PHACTR3: variants seen among roughly 807,000 people sequenced by gnomAD.
The protein encoded by PHACTR3 is protein phosphatase 1, regulatory subunit 123.
A neutral mutation model predicts 66.8 loss-of-function variants in PHACTR3; 16 were observed. The ratio of observed to expected loss-of-function variants is 0.24; its 90% confidence interval spans 0.16 to 0.36. The LOEUF is 0.36. PHACTR3 is among the 10% of genes least tolerant of loss of function. PHACTR3 has a pLI of 1.00. For synonymous variants in PHACTR3, 323 were observed against 292.1 expected (o/e 1.11, Z -1.08); for missense variants, 647 against 719.9 (o/e 0.90, Z 1.16).
chr20:59,805,178 C>T (rs2041529010), intron 7 of PHACTR3, among the ~76,000 whole-genome samples: 1 of 152,244 alleles, frequency 6.6e-6, no homozygotes, highest in African/African-American at 2.4e-5. Context: ...TAAACCCCAT[C>T]TCTGCTCCTA....
intron 1 of PHACTR3, among the ~76,000 whole-genome samples, chr20:59,723,387 C>G (rs925141300): frequency 6.6e-6 from 1 of 152,062 alleles, no homozygotes; most frequent in Non-Finnish European, 1.5e-5. Flanking sequence ...TGTGCTGTGG[C>G]AGGGTTGTTT....
At chr20:59,642,410 C>T (rs1440565884) in intron 1 of PHACTR3, among the ~76,000 whole-genome samples, 2 of 150,144 alleles carry the variant, frequency 1.3e-5, no homozygotes, top group African/African-American at 4.9e-5. Flanking sequence ...ATTCACAAAT[C>T]CCCCCACCCC....
At chr20:59,837,032 C>G (rs2058979299) in intron 9 of PHACTR3, among the ~76,000 whole-genome samples, 1 of 152,192 alleles carries the variant, frequency 6.6e-6, no homozygotes, top group Admixed American at 6.5e-5. Context: ...CCAGGACCCT[C>G]TGTTGCTCCC....
chr20:59,657,564 G>T (rs1326919333), intron 1 of PHACTR3, among the ~76,000 whole-genome samples: 1 of 151,998 alleles, frequency 6.6e-6, no homozygotes, highest in African/African-American at 2.4e-5. Flanking sequence ...TACTTTTGCT[G>T]GGCATAACAT....
At chr20:59,800,670 C>A (rs1212164827) in intron 7 of PHACTR3, among the ~76,000 whole-genome samples, 1 of 152,192 alleles carries the variant, frequency 6.6e-6, no homozygotes, top group African/African-American at 2.4e-5. Flanking sequence ...GTTCACTGAG[C>A]CTTTTCCTGC....
intron 1 of PHACTR3, among the ~76,000 whole-genome samples, chr20:59,722,384 G>A (rs576549445): frequency 6.6e-6 from 1 of 152,174 alleles, no homozygotes; most frequent in Non-Finnish European, 1.5e-5. Context: ...AGGTATTCCT[G>A]GCAGAGAGGG....
intron 1 of PHACTR3, among the ~76,000 whole-genome samples, chr20:59,704,969 T>C (rs549763166): frequency 4.0e-5 from 6 of 151,842 alleles, no homozygotes; most frequent in Admixed American, 3.3e-4. Flanking sequence ...TTTTTTTTTT[T>C]TTTTTGAGAC....
chr20:59,773,469 A>C lies in PHACTR3; in HGVS notation c.926+16A>C, dbSNP rs778885725. On this transcript the variant is annotated intron_variant, in intron 6 of 12. Transcript: ENST00000371015. ...GCCAGGACAGGTGAGGCCCTGCCCC[A>C]TGAGGGAGACCTGTGCTGCCAGAAT... 1.9e-6 allele frequency: 3 copies of C among 1,587,500 alleles called. No individual in the cohort carries two copies. Among genetic ancestry groups the C allele is most frequent in the Admixed American group, 1.8e-5 (1 of 56,268 alleles).
intron 1 of PHACTR3, among the ~76,000 whole-genome samples, chr20:59,581,023 C>G (rs777107571): frequency 2.6e-5 from 4 of 152,222 alleles, no homozygotes; most frequent in Non-Finnish European, 5.9e-5. Context: ...ACGGCTGAGA[C>G]CTAGCTGTCT....
intron 5 of PHACTR3, among the ~76,000 whole-genome samples, chr20:59,771,724 G>A (rs559584102): frequency 5.9e-5 from 9 of 152,312 alleles, no homozygotes; most frequent in Non-Finnish European, 1.2e-4. Context: ...GGCCTGGCCC[G>A]TTTCCCTGTG....
intron 3 of PHACTR3, among the ~76,000 whole-genome samples, chr20:59,752,006 T>C (rs2039610515): frequency 1.3e-5 from 2 of 152,220 alleles, no homozygotes; most frequent in South Asian, 2.1e-4. Flanking sequence ...CTTGGCATTT[T>C]CTTAAATAAT....
chr20:59,705,434 G>GA (rs996631338), intron 1 of PHACTR3, among the ~76,000 whole-genome samples: 5 of 152,068 alleles, frequency 3.3e-5, no homozygotes, highest in African/African-American at 7.2e-5. Flanking sequence ...GCTAACACTA[G>GA]AAAAAAATAC....
intron 7 of PHACTR3, among the ~76,000 whole-genome samples, chr20:59,802,855 G>A (rs1225329672): frequency 1.3e-5 from 2 of 152,234 alleles, no homozygotes; most frequent in African/African-American, 4.8e-5. Context: ...ATGCATGGAT[G>A]TTTATTGAGT....
chr20:59,741,263 G>T (rs73917916), intron 1 of PHACTR3, among the ~76,000 whole-genome samples: 16 of 152,250 alleles, frequency 1.1e-4, no homozygotes, highest in African/African-American at 3.1e-4. Context: ...AACTGACCAC[G>T]CGCTGACCAT....
At chr20:59,612,212 T>C (rs1444387008) in intron 1 of PHACTR3, among the ~76,000 whole-genome samples, 1 of 152,184 alleles carries the variant, frequency 6.6e-6, no homozygotes, top group Admixed American at 6.5e-5. Context: ...TTCCATGCAC[T>C]AGAAAACTCT....
rs1053799933 is a variant in PHACTR3 at position 59,847,579 on chromosome 20, T to C, written c.*449T>C. The C allele has an allele frequency of 6.5e-6, 1 of 154,820 alleles. No individual in the cohort carries two copies. Among genetic ancestry groups the C allele is most frequent in the African/African-American group, 2.4e-5 (1 of 41,572 alleles). The allele number at this position is 154,820 out of a possible 1,614,324, so 9.6% of individuals were successfully genotyped here. A position where few individuals can be genotyped will look rare whatever the true frequency, so the allele number is the denominator to read the frequency against. ...TTAATTTGAAAACTCTTTAAGTTCATGTTATACAAGATGATTTACTGTATT... is the reference window on the plus strand; with the variant it reads ...TTAATTTGAAAACTCTTTAAGTTCACGTTATACAAGATGATTTACTGTATT... On this transcript the variant is annotated 3_prime_UTR_variant, in exon 13 of 13. Transcript: ENST00000371015.
chr20:59,635,095 T>TTCTC (rs201285336), intron 1 of PHACTR3, among the ~76,000 whole-genome samples: 44 of 131,396 alleles, frequency 3.3e-4, no homozygotes, highest in East Asian at 1.9e-3. Context: ...CTTTCTTTCT[T>TTCTC]TCTCTCTCTT....
intron 8 of PHACTR3, among the ~76,000 whole-genome samples, chr20:59,807,682 G>A (rs934052616): frequency 2.6e-5 from 4 of 152,106 alleles, no homozygotes; most frequent in Admixed American, 1.3e-4. Flanking sequence ...CGCCACACAC[G>A]TTAGGAACGC....
chr20:59,767,486 CTATT>C (rs2040218763), intron 5 of PHACTR3, 91 bp downstream of exon 5: 1 of 1,365,798 alleles, frequency 7.3e-7, no homozygotes, highest in Non-Finnish European at 1.0e-6. Flanking sequence ...CATCATCTAT[CTATT>C]TATTCACCCA....
Sources: gnomAD v4.1 joint callset for allele counts (sites outside exome capture counted in the v4.1 genomes callset) on GRCh38, gnomAD v4.1.1 for gene constraint, MANE v1.5 for transcripts, NCBI Gene and HGNC (gene_info 2026-07-23, HGNC 2026-07-21) for gene names.